The following CORO7 variants were observed in gnomAD, a reference collection of about 807,000 sequenced individuals.
CORO7 encodes the protein coronin-7.
Under a neutral mutation model 126.6 loss-of-function variants are expected in CORO7, and 107 were observed. The ratio of observed to expected loss-of-function variants is 0.85; its 90% CI spans 0.72 to 0.99. The LOEUF (loss-of-function observed/expected upper bound fraction) is 0.99, where lower values mean the gene tolerates loss of function less well. CORO7 is among the 50% of genes least tolerant of loss of function. The pLI, the probability that CORO7 is intolerant of heterozygous loss-of-function variation, is 0.00. For synonymous variants in CORO7, 603 were observed against 536.8 expected (o/e 1.12, Z -1.70); for missense variants, 1,314 against 1,255.8 (o/e 1.05, Z -0.70).
intron 1 of CORO7, 59 bp downstream of exon 1, chr16:4,416,400 G>T: frequency 6.7e-7 from 1 of 1,497,150 alleles, no homozygotes; most frequent in Non-Finnish European, 8.8e-7. Flanking sequence ...TCCGGGCAGG[G>T]GGAGGGGCAG....
rs2054176563 is a variant in CORO7 at position 4,361,434 on chromosome 16, C to A, written c.1614G>T (p.Leu538=). The A allele has an allele frequency of 1.2e-6, 2 of 1,612,040 alleles. No individual in the cohort carries two copies. Among genetic ancestry groups the A allele is most frequent in the African/African-American group, 1.3e-5 (1 of 74,888 alleles). The change falls in exon 17 of 28, where the codon CTG becomes CTT. Residue 538 remains leucine, a synonymous_variant. Transcript: ENST00000251166. ...RKPGRLPDTA[L]PTLQNGAAVT... ...CAGCTGCCCCATTCTGCAGCGTGGG[C>A]AGTGCCGTGTCGGGCAGGCGGCCAG... is the stretch of plus-strand genomic sequence containing the variant.
rs1326346768 is a variant in CORO7 at position 4,359,319 on chromosome 16, A to G, written c.2317T>C (p.Phe773Leu). The stretch of plus-strand genomic sequence containing the variant: ...ACCTTGTGGGGGTCAGGCGACGTGA[A>G]GCTGTTGCACTCCAGGAAGAAAGGG... ...ESPFFLECNS[F>L]TSPDPHKGLV... Residue 773 changes from phenylalanine to leucine, a missense_variant, in exon 23 of 28, where the codon TTC (phenylalanine) becomes CTC (leucine). Phe to Leu is a conservative substitution (Grantham distance 22). Transcript: ENST00000251166. The G allele has an allele frequency of 1.9e-6, 3 of 1,611,148 alleles. No individual in the cohort carries two copies. Among genetic ancestry groups the G allele is most frequent in the Non-Finnish European group, 2.5e-6 (3 of 1,179,126 alleles).
intron 6 of CORO7, among the ~76,000 whole-genome samples, chr16:4,400,500 G>A (rs1376827805): frequency 1.3e-5 from 2 of 152,188 alleles, no homozygotes; most frequent in African/African-American, 2.4e-5. Context: ...GGGTGTGGTG[G>A]CACATGCCTG....
At chr16:4,357,142 G>T (rs143390024) in intron 26 of CORO7, 26 bp downstream of exon 26, 2 of 1,613,082 alleles carry the variant, frequency 1.2e-6, no homozygotes, top group East Asian at 2.2e-5. Flanking sequence ...TGTCACCTCC[G>T]CACAGCTGCT....
At chr16:4,370,590 C>T (rs1240293962) in intron 9 of CORO7, among the ~76,000 whole-genome samples, 2 of 152,228 alleles carry the variant, frequency 1.3e-5, no homozygotes, top group Non-Finnish European at 2.9e-5. Context: ...CCATGTAGAC[C>T]GAGAAACGTA....
chr16:4,358,371 A>T lies in CORO7; in HGVS notation c.2453T>A (p.Val818Asp), dbSNP rs2054049151. The T allele has an allele frequency of 1.2e-6, 2 of 1,611,800 alleles. No homozygotes were observed. The highest frequency in any genetic ancestry group is 2.2e-5 in the East Asian group (1 of 44,830). The change falls in exon 24 of 28, where the codon GTC (valine) becomes GAC (aspartate). Residue 818 changes from valine (V) to aspartate (D), a missense_variant. Transcript: ENST00000251166. ...LEPVAFRLPR[V>D]RKEFFQDDVF... Reference sequence around the variant, plus strand: ...GTCCCAGGTCCCCACCCTCACCCGGACTCGGGGCAGCCGGAAGGCCACAGG... The same window carrying T: ...GTCCCAGGTCCCCACCCTCACCCGGTCTCGGGGCAGCCGGAAGGCCACAGG...
At chr16:4,369,506 G>T (rs1198035823) in intron 9 of CORO7, among the ~76,000 whole-genome samples, 1 of 152,212 alleles carries the variant, frequency 6.6e-6, no homozygotes, top group Non-Finnish European at 1.5e-5. Flanking sequence ...AAGGTCTAAA[G>T]CCCAGATCTG....
chr16:4,401,908 T>A (rs1424589714), intron 6 of CORO7, among the ~76,000 whole-genome samples: 1 of 147,592 alleles, frequency 6.8e-6, no homozygotes, highest in African/African-American at 2.6e-5. Context: ...GTTTCTTTTT[T>A]TCCTTTTTTT....
intron 1 of CORO7, chr16:4,415,588 G>A (rs2056378910): frequency 2.9e-6 from 1 of 344,036 alleles, no homozygotes; most frequent in East Asian, 1.7e-4. Flanking sequence ...GGAAGCAGAG[G>A]AAATATAGTC....
chr16:4,362,615 G>A lies in CORO7; in HGVS notation c.1399C>T (p.Leu467=), dbSNP rs2054217286. Residue 467 remains leucine, a synonymous_variant, in exon 15 of 28, where the codon CTG becomes TTG. Coordinates refer to ENST00000251166, the MANE Select transcript of CORO7 (RefSeq NM_024535.5). This position sits in a 1 kb window ranked among gnomAD's most constrained non-coding sequence, Gnocchi z 5.3. The stretch of plus-strand genomic sequence containing the variant: ...GCTCCCCGTCCTGCCTCCTTACCCA[G>A]CAGGCTCTGCAGCGACCTCAAACTG... ...SPSLRSLQSL[L]GPSSKFRHAQ... is the part of the protein sequence containing the mutation. 2 of 1,556,388 alleles carry A rather than the reference G, an allele frequency of 1.3e-6. No homozygotes were observed. The highest frequency in any genetic ancestry group is 2.4e-5 in the East Asian group (1 of 41,058).
chr16:4,364,630 G>A lies in CORO7; in HGVS notation c.1104C>T (p.Asp368=). The A allele has an allele frequency of 6.4e-7, 1 of 1,572,844 alleles. No individual in the cohort carries two copies. The highest frequency in any genetic ancestry group is 8.6e-7 in the Non-Finnish European group (1 of 1,159,888). ...PDTAGCVPAT[D]PHSWWAGDNQ... ...TGTCCCCAGCCCACCAGCTATGGGGGTCGGTGGCAGGCACACAGCCGGCAG... is the reference window on the plus strand; with the variant it reads ...TGTCCCCAGCCCACCAGCTATGGGGATCGGTGGCAGGCACACAGCCGGCAG... Residue 368 remains aspartate (D), a synonymous_variant, in exon 13 of 28, where the codon GAC becomes GAT. Transcript: ENST00000251166.
At chr16:4,370,206 G>C (rs1407557941) in intron 9 of CORO7, among the ~76,000 whole-genome samples, 1 of 152,224 alleles carries the variant, frequency 6.6e-6, no homozygotes, top group Non-Finnish European at 1.5e-5. Flanking sequence ...GGCTTCAGAG[G>C]ACACAGGGCC....
chr16:4,360,530 T>A lies in CORO7; in HGVS notation c.1936A>T (p.Ser646Cys), dbSNP rs2054131990. The change falls in exon 20 of 28, where the codon AGT (serine) becomes TGT (cysteine). Residue 646 changes from serine (S) to cysteine (C), a missense_variant. Physicochemically the swap from Ser to Cys is moderately radical, Grantham distance 112 (BLOSUM62 -1). Transcript: ENST00000251166. ...GTGGCCAGCTGCTGCCCATCAGGAC[T>A]CCAGGCCAGGCTGAAGATCTGGGGG... is the stretch of plus-strand genomic sequence containing the variant. Reference protein sequence around the residue: ...HQDQIFSLAWSPDGQQLATVC... With the variant: ...HQDQIFSLAWCPDGQQLATVC... 4 of 1,608,326 alleles carry A rather than the reference T, an allele frequency of 2.5e-6. No individual in the cohort carries two copies. Among genetic ancestry groups the A allele is most frequent in the Non-Finnish European group, 3.4e-6 (4 of 1,177,908 alleles).
chr16:4,406,366 G>A (rs1338124557), intron 5 of CORO7, among the ~76,000 whole-genome samples: 1 of 152,154 alleles, frequency 6.6e-6, no homozygotes, highest in Non-Finnish European at 1.5e-5. Flanking sequence ...TGTGATCATA[G>A]CTAACTGCAG....
chr16:4,395,177 A>T, intron 7 of CORO7, 112 bp downstream of exon 7: 1 of 1,493,638 alleles, frequency 6.7e-7, no homozygotes, highest in Non-Finnish European at 9.2e-7. Flanking sequence ...CTGGTGCTGC[A>T]GAACATGTCT....
chr16:4,385,368 C>A (rs928990819), intron 9 of CORO7, among the ~76,000 whole-genome samples: 1 of 152,088 alleles, frequency 6.6e-6, no homozygotes, highest in Non-Finnish European at 1.5e-5. Flanking sequence ...GGGCTTAGGG[C>A]CACTGTGAGC....
At chr16:4,405,330 G>C (rs1441370674) in intron 6 of CORO7, 161 bp downstream of exon 6, 1 of 677,038 alleles carries the variant, frequency 1.5e-6, no homozygotes. Context: ...TAGGTGAGCG[G>C]GGGTGTGAGG....
At chr16:4,405,630 C>T (rs1369633612) in intron 5 of CORO7, 63 bp from the exon 6 acceptor site, 11 of 1,503,772 alleles carry the variant, frequency 7.3e-6, no homozygotes, top group Middle Eastern at 1.7e-4. Flanking sequence ...TGGGTGGGGG[C>T]GGGCCTTGCT....
Position 4,360,315 on chromosome 16 carries a change from A to G in CORO7, c.2071T>C (p.Cys691Arg). The G allele has an allele frequency of 6.2e-7, 1 of 1,613,618 alleles. No homozygotes were observed. The highest frequency in any genetic ancestry group is 8.5e-7 in the Non-Finnish European group (1 of 1,179,996). The change falls in exon 21 of 28, where the codon TGT becomes CGT. Residue 691 changes from cysteine (C) to arginine (R), a missense_variant. Cys to Arg is a radical substitution (Grantham distance 180). Coordinates refer to ENST00000251166, the MANE Select transcript of CORO7 (RefSeq NM_024535.5). ...GGRGARIVWV[C>R]DGRCLLVSGF... ...GACACCAGCAGACAGCGACCATCACATACCCAGACAATGCGAGCTCCGCGT... is the reference window on the plus strand; with the variant it reads ...GACACCAGCAGACAGCGACCATCACGTACCCAGACAATGCGAGCTCCGCGT...
Sources: allele counts gnomAD v4.1 joint callset (sites outside exome capture counted in the v4.1 genomes callset), GRCh38; gene constraint gnomAD v4.1.1; non-coding constraint Gnocchi (gnomAD v3.1); transcripts MANE v1.5; gene names NCBI Gene and HGNC (gene_info 2026-07-23, HGNC 2026-07-21).